Variants in ZFAT observed in about 807,000 individuals in gnomAD.
ZFAT encodes the protein zinc finger protein ZFAT.
In ZFAT, 64 loss-of-function variants were observed where a neutral mutation model predicts 117.7. The ratio of observed to expected loss-of-function variants is 0.54; its 90% confidence interval spans 0.44 to 0.67. The LOEUF (loss-of-function observed/expected upper bound fraction) is 0.67. ZFAT is among the 30% of genes least tolerant of loss of function. ZFAT has a pLI of 0.00. For missense variants in ZFAT, 1,433 were observed against 1,584.5 expected (o/e 0.90, Z 1.62); for synonymous variants, 679 against 615.0 (o/e 1.10, Z -1.54).
chr8:134,590,845 T>TCAACA (rs1392114972), intron 7 of ZFAT, among the ~76,000 whole-genome samples: 2 of 151,924 alleles, frequency 1.3e-5, no homozygotes, highest in Non-Finnish European at 2.9e-5. Context: ...CTCACCATCA[T>TCAACA]CAACACTAGC....
intron 13 of ZFAT, among the ~76,000 whole-genome samples, chr8:134,513,132 C>T (rs1819980532): frequency 6.6e-6 from 1 of 151,512 alleles, no homozygotes; most frequent in Admixed American, 6.6e-5. Flanking sequence ...GATTACACAG[C>T]ACGTGGAGAG....
chr8:134,665,518 A>C (rs1409967953), intron 1 of ZFAT, among the ~76,000 whole-genome samples: 4 of 152,232 alleles, frequency 2.6e-5, no homozygotes, highest in Non-Finnish European at 5.9e-5. Context: ...GGAACAAGAC[A>C]GGGTTCAGGC....
chr8:134,804,265 A>ATGCCC, the ZFAT span, among the ~76,000 whole-genome samples: 1 of 152,216 alleles, frequency 6.6e-6, no homozygotes, highest in Non-Finnish European at 1.5e-5. Flanking sequence ...GAAAAATATT[A>ATGCCC]ATATAAAAAG....
At chr8:134,824,628 G>T in the ZFAT span, among the ~76,000 whole-genome samples, 1 of 152,120 alleles carries the variant, frequency 6.6e-6, no homozygotes, top group Non-Finnish European at 1.5e-5. Context: ...CTTACTTCAT[G>T]CCTCTCCTGA....
chr8:134,587,605 C>G (rs1826160864), intron 9 of ZFAT, among the ~76,000 whole-genome samples: 1 of 152,182 alleles, frequency 6.6e-6, no homozygotes, highest in Non-Finnish European at 1.5e-5. Context: ...CCCAGGAGGG[C>G]CATGTCCTTA....
At chr8:134,771,936 C>A in the ZFAT span, among the ~76,000 whole-genome samples, 1 of 152,220 alleles carries the variant, frequency 6.6e-6, no homozygotes, top group Non-Finnish European at 1.5e-5. Flanking sequence ...AGAGTTTGTT[C>A]AGTGAAACTC....
chr8:134,504,510 C>G (rs1819246874), intron 15 of ZFAT, among the ~76,000 whole-genome samples: 1 of 152,156 alleles, frequency 6.6e-6, no homozygotes, highest in Non-Finnish European at 1.5e-5. Context: ...AGACAAATGT[C>G]AGTGACAGTC....
chr8:134,787,471 T>C, the ZFAT span, among the ~76,000 whole-genome samples: 2 of 152,190 alleles, frequency 1.3e-5, no homozygotes, highest in African/African-American at 2.4e-5. Flanking sequence ...GATCACCACG[T>C]ATACAGAATT....
At chr8:134,597,010 T>C (rs1827002291) in intron 7 of ZFAT, among the ~76,000 whole-genome samples, 1 of 151,996 alleles carries the variant, frequency 6.6e-6, no homozygotes, top group South Asian at 2.1e-4. Flanking sequence ...AAAAAAAATT[T>C]GATTTCACAC....
the ZFAT span, among the ~76,000 whole-genome samples, chr8:134,762,569 T>C: frequency 6.6e-6 from 1 of 152,238 alleles, no homozygotes; most frequent in Admixed American, 6.5e-5. Context: ...TGCTAGTTTC[T>C]CTTTCTTTTT....
chr8:134,796,918 A>G, the ZFAT span: 2 of 152,208 alleles, frequency 1.3e-5, no homozygotes, highest in African/African-American at 4.8e-5. Context: ...CTGCACATCT[A>G]ATCATGACAT....
At chr8:134,717,042 A>G (rs139743348), upstream of ZFAT, among the ~76,000 whole-genome samples, 1 of 152,298 alleles carries the variant, frequency 6.6e-6, no homozygotes, top group African/African-American at 2.4e-5. Context: ...ACCAGCTAAA[A>G]GGGGGGTTCA....
Position 134,478,409 on chromosome 8 carries a change from G to A in ZFAT, c.*73C>T. 1 of 1,511,122 alleles carries A rather than the reference G, an allele frequency of 6.6e-7. No individual in the cohort carries two copies. Among genetic ancestry groups the A allele is most frequent in the South Asian group, 1.3e-5 (1 of 78,688 alleles). The allele number at this position is 1,511,122 out of a possible 1,614,324, so 93.6% of individuals were successfully genotyped here. On this transcript the variant is annotated 3_prime_UTR_variant, in exon 16 of 16. Coordinates refer to ENST00000377838, the MANE Select transcript of ZFAT (RefSeq NM_020863.4). This position sits in a 1 kb window ranked among gnomAD's most constrained non-coding sequence, Gnocchi z 5.2. ...ACCATTCTGCGGGTAGGGCAGGAAGGGTGGCCTCCCCACCCTGGGTGCCTG... is the reference window on the plus strand; with the variant it reads ...ACCATTCTGCGGGTAGGGCAGGAAGAGTGGCCTCCCCACCCTGGGTGCCTG...
intron 10 of ZFAT, among the ~76,000 whole-genome samples, chr8:134,583,063 T>G (rs1350575818): frequency 2.0e-5 from 3 of 152,144 alleles, no homozygotes; most frequent in African/African-American, 4.8e-5. Flanking sequence ...CTTCTTTCCC[T>G]CTATCCAGCC....
rs1563753533 is a variant in ZFAT, at chr8:134,478,824, GAGC to G, written c.3493-106_3493-104del. On this transcript the variant is annotated intron_variant, in intron 15 of 15. Coordinates refer to ENST00000377838, the MANE Select transcript of ZFAT (RefSeq NM_020863.4). The surrounding 1 kb of genome is among the most constrained non-coding windows in gnomAD (Gnocchi z 5.2). ...TTTAGGAGGCACCAGTGCGCTGCGG[GAGC>G]ACGTCCATTCTCCACGGATCCTCTC... The G allele has an allele frequency of 1.4e-6, 2 of 1,457,870 alleles. No homozygotes were observed. The highest frequency in any genetic ancestry group is 2.5e-5 in the East Asian group (1 of 40,082). The allele number at this position is 1,457,870 out of a possible 1,614,324, so 90.3% of individuals were successfully genotyped here. A position where few individuals can be genotyped will look rare whatever the true frequency, so the allele number is the denominator to read the frequency against.
At chr8:134,659,035 G>C (rs190617462) in intron 1 of ZFAT, among the ~76,000 whole-genome samples, 28 of 152,294 alleles carry the variant, frequency 1.8e-4, no homozygotes, top group Admixed American at 7.8e-4. Context: ...GGCTCCCTTC[G>C]GCATCCCCCT....
At chr8:134,826,031 A>AG in the ZFAT span, among the ~76,000 whole-genome samples, 2 of 151,928 alleles carry the variant, frequency 1.3e-5, no homozygotes, top group African/African-American at 2.4e-5. Flanking sequence ...AAAAAAAAAA[A>AG]AAAAGAAAAG....
At chr8:134,747,827 G>A in the ZFAT span, among the ~76,000 whole-genome samples, 4 of 151,920 alleles carry the variant, frequency 2.6e-5, no homozygotes, top group African/African-American at 4.8e-5. Flanking sequence ...TCATATTACC[G>A]AGGAGACCAA....
intron 1 of ZFAT, 86 bp from the exon 2 acceptor site, chr8:134,657,823 T>C: frequency 7.0e-7 from 1 of 1,437,910 alleles, no homozygotes; most frequent in Non-Finnish European, 9.4e-7. Flanking sequence ...TACCGAAAGC[T>C]GCCCTTCTGA....
Sources: allele counts gnomAD v4.1 joint callset (sites outside exome capture counted in the v4.1 genomes callset), GRCh38; gene constraint gnomAD v4.1.1; non-coding constraint Gnocchi (gnomAD v3.1); transcripts MANE v1.5; gene names NCBI Gene and HGNC (gene_info 2026-07-23, HGNC 2026-07-21).